Variants in ADCY5 observed in about 807,000 individuals in gnomAD.
The protein encoded by ADCY5 is adenylate cyclase 5.
ADCY5 carries 30 observed loss-of-function variants against 119.7 expected under a neutral mutation model. The ratio of observed to expected loss-of-function variants is 0.25; its 90% CI spans 0.19 to 0.34. The LOEUF (loss-of-function observed/expected upper bound fraction) is 0.34, where lower values mean the gene tolerates loss of function less well. ADCY5 is among the 10% of genes least tolerant of loss of function. The probability of loss-of-function intolerance (pLI) is 1.00; values close to 1 mark genes in which losing one functional copy is unlikely to be tolerated. For missense variants in ADCY5, 1,324 were observed against 1,775.2 expected (o/e 0.75, Z 4.57); for synonymous variants, 753 against 762.2 (o/e 0.99, Z 0.20).
chr3:123,284,490 A>ATCTC lies in ADCY5; in HGVS notation c.*114_*117dup. The ATCTC allele has an allele frequency of 3.4e-6, 5 of 1,473,000 alleles. No individual in the cohort carries two copies. Among genetic ancestry groups the ATCTC allele is most frequent in the Non-Finnish European group, 4.6e-6 (5 of 1,094,588 alleles). 91.2% of individuals were successfully genotyped at this position (1,473,000 alleles called of 1,614,324 possible). On this transcript the variant is annotated 3_prime_UTR_variant, in exon 21 of 21. Transcript: ENST00000462833. ...AGCTGCTCTGGAGTCCAAGTGGAAA[A>ATCTC]TCTCAGCAGCGCAGCCCTGCGGGCT... is the stretch of plus-strand genomic sequence containing the variant.
Position 123,288,534 on chromosome 3 carries a change from C to T in ADCY5, c.3532+1216G>A, listed in dbSNP as rs1045031626. On this transcript the variant is annotated intron_variant, in intron 19 of 20. Transcript: ENST00000462833. ...TGTGCTCCATCAGACCGTACACCCT[C>T]GGTAAGACCTATTCTAAGGACAAAC... Among the ~76,000 whole-genome samples the T allele has an allele frequency of 5.9e-5, 9 of 152,294 alleles. No individual in the cohort carries two copies. In the East Asian group the frequency reaches 9.6e-4, roughly 16 times the overall value.
At chr3:123,426,307 T>G (rs1334671078) in intron 1 of ADCY5, among the ~76,000 whole-genome samples, 1 of 9,652 alleles carries the variant, frequency 1.0e-4, no homozygotes, top group African/African-American at 1.8e-4. Context: ...GTGTTTTTTT[T>G]TTGTTTGTTT....
At chr3:123,293,661 T>C (rs1401101090) in intron 17 of ADCY5, among the ~76,000 whole-genome samples, 1 of 151,898 alleles carries the variant, frequency 6.6e-6, no homozygotes. Flanking sequence ...TTGCCAGAGA[T>C]GACATTGCAA....
intron 17 of ADCY5, among the ~76,000 whole-genome samples, chr3:123,295,646 C>T (rs1393956677): frequency 6.6e-6 from 1 of 152,216 alleles, no homozygotes; most frequent in African/African-American, 2.4e-5. Flanking sequence ...GTTCCCTACC[C>T]TGGCCAGGTT....
intron 1 of ADCY5, among the ~76,000 whole-genome samples, chr3:123,437,695 G>A (rs563854669): frequency 2.0e-4 from 30 of 152,250 alleles, no homozygotes; most frequent in Non-Finnish European, 4.1e-4. Context: ...TTTGGAGAGT[G>A]GGGATGGGAA....
chr3:123,447,439 G>T lies in ADCY5; in HGVS notation c.1107C>A (p.Asn369Lys), dbSNP rs370271033. Residue 369 changes from asparagine (N) to lysine (K), a missense_variant, in exon 1 of 21, where the codon AAC (asparagine) becomes AAA (lysine). By Grantham distance (94) the Asn-to-Lys change is moderately conservative (BLOSUM62 0). This residue lies in a region of ADCY5 where 585 missense variants were observed against 569.9 expected (regional missense o/e 1.03). Transcript: ENST00000462833. Reference sequence around the variant, plus strand: ...GCTTCAGCAGGAACTGGTCCTGGGCGTTGGTGCGCAGGGCGATGGCCAGGT... The same window carrying T: ...GCTTCAGCAGGAACTGGTCCTGGGCTTTGGTGCGCAGGGCGATGGCCAGGT... ...ALHLAIALRT[N>K]AQDQFLLKQL... 1 of 1,599,346 alleles carries T rather than the reference G, an allele frequency of 6.3e-7. No homozygotes were observed.
intron 1 of ADCY5, among the ~76,000 whole-genome samples, chr3:123,381,955 AG>A (rs1421956150): frequency 6.6e-6 from 1 of 152,196 alleles, no homozygotes; most frequent in Non-Finnish European, 1.5e-5. Context: ...GGGAGAAGAA[AG>A]GCCCAAGTCC....
At chr3:123,284,773 A>T in intron 20 of ADCY5, 37 bp from the exon 21 acceptor site, 1 of 1,613,474 alleles carries the variant, frequency 6.2e-7, no homozygotes, top group Non-Finnish European at 8.5e-7. Context: ...CAAGCCACTG[A>T]TGGCCTTGGC....
chr3:123,347,965 C>T, intron 2 of ADCY5, 62 bp from the exon 3 acceptor site: 2 of 1,605,458 alleles, frequency 1.2e-6, no homozygotes, highest in Admixed American at 1.7e-5. Context: ...AGTGCTCGCT[C>T]CTCCACACCT....
chr3:123,423,871 G>T (rs1945350455), intron 1 of ADCY5, among the ~76,000 whole-genome samples: 1 of 152,224 alleles, frequency 6.6e-6, no homozygotes, highest in Non-Finnish European at 1.5e-5. Context: ...CACCTGCTCA[G>T]CCCCTGATGT....
At chr3:123,313,328 A>G (rs1391059737) in intron 12 of ADCY5, among the ~76,000 whole-genome samples, 1 of 152,222 alleles carries the variant, frequency 6.6e-6, no homozygotes, top group Non-Finnish European at 1.5e-5. Flanking sequence ...ATGAAGGTCC[A>G]ATTCCTCCAG....
intron 17 of ADCY5, 85 bp downstream of exon 17, chr3:123,295,999 G>T: frequency 6.4e-7 from 1 of 1,557,872 alleles, no homozygotes. Flanking sequence ...GGCCCGGCTT[G>T]GCCTGGCCCA....
chr3:123,344,297 G>A (rs1287942953), intron 3 of ADCY5, among the ~76,000 whole-genome samples: 1 of 152,172 alleles, frequency 6.6e-6, no homozygotes, highest in East Asian at 1.9e-4. Context: ...GAGAATTGAT[G>A]AATGTGACTC....
intron 1 of ADCY5, among the ~76,000 whole-genome samples, chr3:123,432,539 A>AT (rs991811191): frequency 3.3e-5 from 5 of 151,946 alleles, no homozygotes; most frequent in Admixed American, 1.3e-4. Flanking sequence ...ATTTTTATTT[A>AT]TTTTTTTATT....
chr3:123,409,560 C>G (rs1296419815), intron 1 of ADCY5, among the ~76,000 whole-genome samples: 1 of 152,214 alleles, frequency 6.6e-6, no homozygotes, highest in Non-Finnish European at 1.5e-5. Context: ...AAATCCTCAA[C>G]TGATTATCTA....
intron 1 of ADCY5, among the ~76,000 whole-genome samples, chr3:123,366,918 T>C (rs1326127589): frequency 6.6e-6 from 1 of 152,246 alleles, no homozygotes; most frequent in Non-Finnish European, 1.5e-5. Flanking sequence ...CCTGGGCCTC[T>C]GGCTGCTCAA....
intron 1 of ADCY5, among the ~76,000 whole-genome samples, chr3:123,413,969 A>C (rs1274721036): frequency 6.6e-6 from 1 of 152,204 alleles, no homozygotes. Context: ...GGGACGATGC[A>C]GAAAGAATTT....
chr3:123,446,752 C>T (rs901265734), intron 1 of ADCY5, among the ~76,000 whole-genome samples: 1 of 152,176 alleles, frequency 6.6e-6, no homozygotes, highest in African/African-American at 2.4e-5. Context: ...CAGCTTTCTG[C>T]TCAGGCCGGA....
chr3:123,352,678 G>T lies in ADCY5; in HGVS notation c.1135-97C>A. ...CCCCTGTCTCAGCAAACTCACACCT[G>T]GCGCTAGCAAACAAATGCTGAGGGC... On this transcript the variant is annotated intron_variant, in intron 1 of 20. Coordinates refer to ENST00000462833, the MANE Select transcript of ADCY5 (RefSeq NM_183357.3). The surrounding 1 kb of genome is among the most constrained non-coding windows in gnomAD (Gnocchi z 4.8). The T allele has an allele frequency of 7.1e-7, 1 of 1,401,316 alleles. No individual in the cohort carries two copies. The highest frequency in any genetic ancestry group is 9.6e-7 in the Non-Finnish European group (1 of 1,045,658). The allele number at this position is 1,401,316 out of a possible 1,614,324, so 86.8% of individuals were successfully genotyped here. A position where few individuals can be genotyped will look rare whatever the true frequency, so the allele number is the denominator to read the frequency against.
Sources: allele counts gnomAD v4.1 joint callset (sites outside exome capture counted in the v4.1 genomes callset), GRCh38; gene constraint gnomAD v4.1.1; regional missense constraint gnomAD v4.1.1; non-coding constraint Gnocchi (gnomAD v3.1); transcripts MANE v1.5; gene names NCBI Gene and HGNC (gene_info 2026-07-23, HGNC 2026-07-21).